Variants in IZUMO1R observed in about 807,000 individuals in gnomAD.
IZUMO1R encodes the protein sperm-egg fusion protein Juno.
IZUMO1R carries 24 observed loss-of-function variants against 22.1 expected under a neutral mutation model. The observed-to-expected ratio is 1.09, with a 90% CI of 0.79 to 1.53. The LOEUF (loss-of-function observed/expected upper bound fraction) is 1.53. IZUMO1R is among the 40% of genes most tolerant of loss of function. IZUMO1R has a pLI of 0.00. For missense variants in IZUMO1R, 308 were observed against 314.9 expected, an observed-to-expected ratio of 0.98 and a Z score of 0.17; for synonymous variants, 133 against 121.2, an observed-to-expected ratio of 1.10 and a Z score of -0.64.
Position 94,307,586 on chromosome 11 carries a change from G to A in IZUMO1R, c.647G>A (p.Gly216Asp), listed in dbSNP as rs1222260713. The A allele has an allele frequency of 6.2e-7, 1 of 1,613,822 alleles. No individual in the cohort carries two copies. Among genetic ancestry groups the A allele is most frequent in the Non-Finnish European group, 8.5e-7 (1 of 1,179,842 alleles). The change falls in exon 5 of 5, where the codon GGC becomes GAC. Residue 216 changes from glycine to aspartate, a missense_variant. Transcript: ENST00000687084. ...CAGAAGTGGTTTGAGCCTGCTCAGG[G>A]CAACCCCAATGTGGCCGTGGCCCGC... is the stretch of plus-strand genomic sequence containing the variant. Reference protein sequence around the residue: ...CLQKWFEPAQGNPNVAVARLF... With the variant: ...CLQKWFEPAQDNPNVAVARLF...
Position 94,307,446 on chromosome 11 carries a change from G to C in IZUMO1R, c.507G>C (p.Gly169=). ...CAGGGAAGAACCGCTGCCCCAAAGG[G>C]GCCCAGTGCCTCCCTTTCTCCCATT... The part of the protein sequence containing the change: ...WSQGKNRCPK[G]AQCLPFSHYF... The change falls in exon 5 of 5, where the codon GGG becomes GGC. Residue 169 remains glycine, a synonymous_variant. Coordinates refer to ENST00000687084, the MANE Select transcript of IZUMO1R (RefSeq NM_001199206.4). 6.2e-7 allele frequency: 1 copy of C among 1,613,802 alleles called. No homozygotes were observed. Among genetic ancestry groups the C allele is most frequent in the South Asian group, 1.1e-5 (1 of 91,058 alleles).
chr11:94,306,981 G>C (rs1245282803), intron 3 of IZUMO1R, among the ~76,000 whole-genome samples, 184 bp from the exon 4 acceptor site: 1 of 152,158 alleles, frequency 6.6e-6, no homozygotes, highest in Non-Finnish European at 1.5e-5. Context: ...GTCCCTACCA[G>C]CTGTATAGCC....
rs774651094 is a variant in IZUMO1R at position 94,306,634 on chromosome 11, G to T, written c.260G>T (p.Arg87Leu). ...FHCGLLMPGC[R>L]KHFIQAICFY... is the part of the protein sequence containing the mutation. Reference sequence around the variant, plus strand: ...TGTGGACTGCTGATGCCTGGCTGTCGGAAGCACTTCATCCAGGCTATCTGC... The same window carrying T: ...TGTGGACTGCTGATGCCTGGCTGTCTGAAGCACTTCATCCAGGCTATCTGC... The change falls in exon 3 of 5, where the codon CGG becomes CTG. Residue 87 changes from arginine to leucine, a missense_variant. Transcript: ENST00000687084. 5 of 1,613,960 alleles carry T rather than the reference G, an allele frequency of 3.1e-6. No individual in the cohort carries two copies. Among genetic ancestry groups the T allele is most frequent in the Non-Finnish European group, 4.2e-6 (5 of 1,179,882 alleles).
chr11:94,306,935 T>G (rs1489535053), intron 3 of IZUMO1R, among the ~76,000 whole-genome samples: 7 of 152,108 alleles, frequency 4.6e-5, no homozygotes, highest in African/African-American at 1.7e-4. Context: ...GGAGGCTTGG[T>G]GGAGTTGACA....
At position 94,305,777 on chromosome 11, in the gene IZUMO1R, A is replaced by G; in HGVS notation, c.138+3A>G. 6.2e-6 allele frequency: 10 copies of G among 1,612,706 alleles called. No homozygotes were observed. The highest frequency in any genetic ancestry group is 8.5e-6 in the Non-Finnish European group (10 of 1,179,466). Reference sequence around the variant, plus strand: ...CAGAAGACAAGCTCTATGAGGAGGTACAGAGGCCAGACCTGGGTATGGGAT... The same window carrying G: ...CAGAAGACAAGCTCTATGAGGAGGTGCAGAGGCCAGACCTGGGTATGGGAT... On this transcript the variant is annotated splice_donor_region_variant and intron_variant, in intron 2 of 4. Transcript: ENST00000687084.
rs766254564 is a variant in IZUMO1R at position 94,306,664 on chromosome 11, A to G, written c.290A>G (p.Tyr97Cys). Residue 97 changes from tyrosine to cysteine, a missense_variant, in exon 3 of 5, where the codon TAT becomes TGT. Transcript: ENST00000687084. ...RKHFIQAICF[Y>C]ECSPNLGPWI... Reference sequence around the variant, plus strand: ...CACTTCATCCAGGCTATCTGCTTCTATGAGTGCTCCCCAAACCTGGGGCCC... The same window carrying G: ...CACTTCATCCAGGCTATCTGCTTCTGTGAGTGCTCCCCAAACCTGGGGCCC... The G allele has an allele frequency of 1.8e-5, 29 of 1,613,830 alleles. No homozygotes were observed. The highest frequency in any genetic ancestry group is 4.0e-5 in the African/African-American group (3 of 74,904).
At position 94,307,703 on chromosome 11, in the gene IZUMO1R, T is replaced by A. The variant is rs771350973; in HGVS notation, c.*11T>A. On this transcript the variant is annotated 3_prime_UTR_variant, in exon 5 of 5. Coordinates refer to ENST00000687084, the MANE Select transcript of IZUMO1R (RefSeq NM_001199206.4). ...CCGTTCCTTTCCTGAGAGCCCTTCT[T>A]CTCCCACTCACATTCCTGCATGTCC... 3.1e-6 allele frequency: 5 copies of A among 1,609,080 alleles called. No individual in the cohort carries two copies. The highest frequency in any genetic ancestry group is 4.3e-6 in the Non-Finnish European group (5 of 1,176,158).
rs540146025 is a variant in IZUMO1R, at chr11:94,305,424, C to T, written c.-6-207C>T. ...GGCTCTGCAGGGCCAGCAAGGCCTC[C>T]AGCACTGTGTCAGGCCTCCAAGGAT... On this transcript the variant is annotated intron_variant, in intron 1 of 4. Coordinates refer to ENST00000687084, the MANE Select transcript of IZUMO1R (RefSeq NM_001199206.4). 7.6e-4 allele frequency among the ~76,000 whole-genome samples: 116 copies of T among 152,300 alleles called. 1 individual carries two copies. The highest frequency in any genetic ancestry group is 2.6e-3 in the African/African-American group (109 of 41,566).
intron 3 of IZUMO1R, 33 bp from the exon 4 acceptor site, chr11:94,307,132 A>C: frequency 6.4e-7 from 1 of 1,570,826 alleles, no homozygotes; most frequent in Non-Finnish European, 8.6e-7. Context: ...CTCTGCTATT[A>C]ATGTTCTAAT....
chr11:94,307,824 T>TCC lies in IZUMO1R; in HGVS notation c.*133_*134insCC, dbSNP rs76986862. On this transcript the variant is annotated 3_prime_UTR_variant, in exon 5 of 5. Transcript: ENST00000687084. Reference sequence around the variant, plus strand: ...GGCTAGGGACTGCAGTCCCACCCAGTCTAGCCCATGCCACTGCTTTTAGGG... The same window carrying TCC: ...GGCTAGGGACTGCAGTCCCACCCAGTCCCTAGCCCATGCCACTGCTTTTAGGG... 450,141 of 450,364 alleles carry TCC rather than the reference T, an allele frequency of 1. 224,966 individuals are homozygous for TCC. The highest frequency in any genetic ancestry group is 1 in the Middle Eastern group (1,136 of 1,136). 27.9% of individuals were successfully genotyped at this position (450,364 alleles called of 1,614,324 possible). A position where few individuals can be genotyped will look rare whatever the true frequency, so the allele number is the denominator to read the frequency against.
chr11:94,306,261 A>C (rs1591572256), intron 2 of IZUMO1R, among the ~76,000 whole-genome samples: 1 of 152,118 alleles, frequency 6.6e-6, no homozygotes, highest in East Asian at 1.9e-4. Context: ...TCAGGAGCTG[A>C]GAGCCCAGAA....
At position 94,307,687 on chromosome 11, in the gene IZUMO1R, T is replaced by C. The variant is rs768103873; in HGVS notation, c.748T>C (p.Ser250Pro). The part of the protein sequence containing the change: ...MVCSLFLPFL[S>P] ...CTGCTCCCTGTTCCTGCCGTTCCTTTCCTGAGAGCCCTTCTTCTCCCACTC... is the reference window on the plus strand; with the variant it reads ...CTGCTCCCTGTTCCTGCCGTTCCTTCCCTGAGAGCCCTTCTTCTCCCACTC... Residue 250 changes from serine to proline, a missense_variant, in exon 5 of 5, where the codon TCC becomes CCC. Ser to Pro is a moderately conservative substitution (Grantham distance 74, BLOSUM62 -1). Coordinates refer to ENST00000687084, the MANE Select transcript of IZUMO1R (RefSeq NM_001199206.4). 1.4e-5 allele frequency: 22 copies of C among 1,611,280 alleles called. No homozygotes were observed. Among genetic ancestry groups the C allele is most frequent in the Non-Finnish European group, 1.8e-5 (21 of 1,177,872 alleles).
chr11:94,307,553 G>T lies in IZUMO1R; in HGVS notation c.614G>T (p.Arg205Leu), dbSNP rs201445396. 1 of 1,613,704 alleles carries T rather than the reference G, an allele frequency of 6.2e-7. No homozygotes were observed. Among genetic ancestry groups the T allele is most frequent in the Non-Finnish European group, 8.5e-7 (1 of 1,179,864 alleles). Residue 205 changes from arginine to leucine, a missense_variant, in exon 5 of 5, where the codon CGG becomes CTG. Physicochemically the swap from Arg to Leu is moderately radical, Grantham distance 102. Transcript: ENST00000687084. Reference protein sequence around the residue: ...KASPERRNSGRCLQKWFEPAQ... With the variant: ...KASPERRNSGLCLQKWFEPAQ... ...AGCCCTGAGCGACGGAACAGTGGGC[G>T]GTGTCTCCAGAAGTGGTTTGAGCCT... is the stretch of plus-strand genomic sequence containing the variant.
rs748526978 is a variant in IZUMO1R at position 94,307,232 on chromosome 11, G to A, written c.416G>A (p.Trp139Ter). ...CTGTGCCAGGAGGACTGTGAGGAGTGGTGGGAAGACTGTCGCATGTCTTAC... is the reference window on the plus strand; with the variant it reads ...CTGTGCCAGGAGGACTGTGAGGAGTAGTGGGAAGACTGTCGCATGTCTTAC... The part of the protein sequence containing the change: ...VPLCQEDCEE[W>*]WEDCRMSYTC... The change falls in exon 4 of 5, where the codon TGG becomes TAG. Residue 139 changes from tryptophan to a stop codon, truncating the protein, a stop_gained. Transcript: ENST00000687084. LOFTEE classifies it high-confidence loss of function. The A allele has an allele frequency of 6.2e-7, 1 of 1,608,336 alleles. No homozygotes were observed. The highest frequency in any genetic ancestry group is 1.1e-5 in the South Asian group (1 of 89,706).
chr11:94,306,554 A>G lies in IZUMO1R; in HGVS notation c.180A>G (p.Thr60=). The change falls in exon 3 of 5, where the codon ACA becomes ACG. Residue 60 remains threonine (T), a synonymous_variant. Coordinates refer to ENST00000687084, the MANE Select transcript of IZUMO1R (RefSeq NM_001199206.4). Reference sequence around the variant, plus strand: ...ACAATGCCTGCTGCACCCTCACGACAAGCTGGGAAGCCCATCTGGATGTAT... The same window carrying G: ...ACAATGCCTGCTGCACCCTCACGACGAGCTGGGAAGCCCATCTGGATGTAT... ...WKDNACCTLT[T]SWEAHLDVSP... is the part of the protein sequence containing the mutation. 1 of 1,613,788 alleles carries G rather than the reference A, an allele frequency of 6.2e-7. No individual in the cohort carries two copies. Among genetic ancestry groups the G allele is most frequent in the Non-Finnish European group, 8.5e-7 (1 of 1,179,840 alleles).
At chr11:94,304,986 G>T (rs187778894) in intron 1 of IZUMO1R, among the ~76,000 whole-genome samples, 107 bp downstream of exon 1, 1 of 152,168 alleles carries the variant, frequency 6.6e-6, no homozygotes, top group East Asian at 1.9e-4. Flanking sequence ...GAAACTGGTT[G>T]TCTGGAGAGA....
Position 94,307,175 on chromosome 11 carries a change from G to C in IZUMO1R, c.359G>C (p.Ser120Thr). 6.3e-7 allele frequency: 1 copy of C among 1,597,722 alleles called. No homozygotes were observed. The highest frequency in any genetic ancestry group is 8.5e-7 in the Non-Finnish European group (1 of 1,172,156). Residue 120 changes from serine (S) to threonine (T), a missense_variant, in exon 4 of 5, where the codon AGT (serine) becomes ACT (threonine). Coordinates refer to ENST00000687084, the MANE Select transcript of IZUMO1R (RefSeq NM_001199206.4). ...TATGACTGCACCCAGGTGGCCCCGA[G>C]TGGGCAGGGAGAGCGAGTTGTGAAT... ...VGSLGWEVAP[S>T]GQGERVVNVP...
In IZUMO1R at chr11:94,307,714, C is replaced by T. The variant is rs957046626; in HGVS notation, c.*22C>T. 6.8e-6 allele frequency: 11 copies of T among 1,607,822 alleles called. No individual in the cohort carries two copies. Among genetic ancestry groups the T allele is most frequent in the Admixed American group, 1.7e-5 (1 of 59,866 alleles). ...CTGAGAGCCCTTCTTCTCCCACTCACATTCCTGCATGTCCACCAACTGTGG... is the reference window on the plus strand; with the variant it reads ...CTGAGAGCCCTTCTTCTCCCACTCATATTCCTGCATGTCCACCAACTGTGG... On this transcript the variant is annotated 3_prime_UTR_variant, in exon 5 of 5. Coordinates refer to ENST00000687084, the MANE Select transcript of IZUMO1R (RefSeq NM_001199206.4).
intron 1 of IZUMO1R, 71 bp from the exon 2 acceptor site, chr11:94,305,560 T>G: frequency 6.4e-7 from 1 of 1,561,250 alleles, no homozygotes; most frequent in East Asian, 2.3e-5. Context: ...CCTTTCCCAG[T>G]GCCTGCTATG....
Sources: gnomAD v4.1 joint callset for allele counts (sites outside exome capture counted in the v4.1 genomes callset) on GRCh38, gnomAD v4.1.1 for gene constraint, MANE v1.5 for transcripts, NCBI Gene and HGNC (gene_info 2026-07-23, HGNC 2026-07-21) for gene names.